ARIH1: variants seen among roughly 807,000 people sequenced by gnomAD.
ARIH1 encodes the protein E3 ubiquitin-protein ligase ARIH1.
ARIH1 carries 8 observed loss-of-function variants against 85.0 expected under a neutral mutation model. That is an observed-to-expected ratio of 0.09 (90% CI 0.06 to 0.17). The LOEUF (loss-of-function observed/expected upper bound fraction) is 0.17, where lower values mean the gene tolerates loss of function less well. Among genes scored for constraint, ARIH1 ranks in the 10% least tolerant of loss-of-function variants. The pLI is 1.00. For missense variants in ARIH1, 311 were observed against 718.1 expected (o/e 0.43, Z 6.48); for synonymous variants, 238 against 253.6 (o/e 0.94, Z 0.59).
At chr15:72,557,326 T>TA (rs1412498634) in intron 5 of ARIH1, among the ~76,000 whole-genome samples, 1 of 152,106 alleles carries the variant, frequency 6.6e-6, no homozygotes, top group African/African-American at 2.4e-5. Flanking sequence ...AAAGCAAGTT[T>TA]ATTAGAGAAG....
chr15:72,475,597 A>T (rs1045441203), intron 1 of ARIH1, among the ~76,000 whole-genome samples: 1 of 152,186 alleles, frequency 6.6e-6, no homozygotes, highest in Non-Finnish European at 1.5e-5. Context: ...TTCTTTTCAG[A>T]TGGTGAGGCT....
In ARIH1 at chr15:72,488,978, C is replaced by G. The variant is rs75456913; in HGVS notation, c.375+13964C>G. 4.9e-3 allele frequency among the ~76,000 whole-genome samples: 744 copies of G among 152,322 alleles called. 9 individuals carry two copies. The highest frequency in any genetic ancestry group is 0.017 in the African/African-American group (712 of 41,564). On this transcript the variant is annotated intron_variant, in intron 1 of 13. Transcript: ENST00000379887. ...GTGGAATCACCCAGGTGCAGTGGCT[C>G]ACGCCTGCAATCCCACAACTTTGGG...
At chr15:72,490,604 C>T (rs540645634) in intron 1 of ARIH1, among the ~76,000 whole-genome samples, 1 of 152,058 alleles carries the variant, frequency 6.6e-6, no homozygotes, top group East Asian at 1.9e-4. Context: ...TCCCTAGTGC[C>T]AAAAAGTTGG....
intron 2 of ARIH1, among the ~76,000 whole-genome samples, chr15:72,520,308 T>C (rs1274938615): frequency 6.6e-6 from 1 of 152,124 alleles, no homozygotes; most frequent in Non-Finnish European, 1.5e-5. Flanking sequence ...TCTCATTTAA[T>C]GATTTTCACA....
intron 1 of ARIH1, among the ~76,000 whole-genome samples, chr15:72,510,165 T>G (rs1481474576): frequency 6.6e-6 from 1 of 152,190 alleles, no homozygotes; most frequent in African/African-American, 2.4e-5. Context: ...TATTTTCTTG[T>G]TAGGTTTTTA....
At chr15:72,530,838 A>G (rs1210346710) in intron 2 of ARIH1, among the ~76,000 whole-genome samples, 1 of 152,372 alleles carries the variant, frequency 6.6e-6, no homozygotes, top group East Asian at 1.9e-4. Context: ...ATCCAGAATT[A>G]AGTATATCCA....
chr15:72,484,603 C>A (rs12908610), intron 1 of ARIH1, among the ~76,000 whole-genome samples: 110,260 of 151,448 alleles, frequency 0.73, 46,329 homozygotes, highest in Non-Finnish European at 0.92. Flanking sequence ...TTAACTCATT[C>A]CCTTTTATGG....
intron 2 of ARIH1, among the ~76,000 whole-genome samples, chr15:72,542,730 A>G (rs946343377): frequency 6.6e-6 from 1 of 152,182 alleles, no homozygotes. Context: ...TACTCATAGA[A>G]TGCTGTCTAG....
chr15:72,477,210 C>G (rs1252457961), intron 1 of ARIH1, among the ~76,000 whole-genome samples: 1 of 152,088 alleles, frequency 6.6e-6, no homozygotes, highest in Non-Finnish European at 1.5e-5. Context: ...CTTGGTATTT[C>G]TTTTTTAAAT....
At chr15:72,526,802 T>C (rs977282040) in intron 2 of ARIH1, among the ~76,000 whole-genome samples, 1 of 151,856 alleles carries the variant, frequency 6.6e-6, no homozygotes. Context: ...GTCTTTTCTT[T>C]TATCCATTAT....
At chr15:72,544,515 A>G (rs1285753205) in intron 2 of ARIH1, among the ~76,000 whole-genome samples, 1 of 151,974 alleles carries the variant, frequency 6.6e-6, no homozygotes, top group Non-Finnish European at 1.5e-5. Context: ...GTTTAGGGGG[A>G]AAAAGGCAGC....
At chr15:72,549,283 C>T (rs1424354051) in intron 3 of ARIH1, among the ~76,000 whole-genome samples, 5 of 151,904 alleles carry the variant, frequency 3.3e-5, no homozygotes, top group Non-Finnish European at 5.9e-5. Flanking sequence ...ACATGGGGTT[C>T]CACCATGTTG....
intron 1 of ARIH1, among the ~76,000 whole-genome samples, chr15:72,488,576 T>A (rs1421108414): frequency 6.6e-6 from 1 of 152,228 alleles, no homozygotes; most frequent in Non-Finnish European, 1.5e-5. Context: ...TCTAGCTATA[T>A]ATGAGGGTTT....
At chr15:72,491,246 C>A (rs2140396480) in intron 1 of ARIH1, among the ~76,000 whole-genome samples, 1 of 152,244 alleles carries the variant, frequency 6.6e-6, no homozygotes, top group East Asian at 1.9e-4. Flanking sequence ...ATCACATTCC[C>A]TGTGGAAATT....
intron 11 of ARIH1, chr15:72,572,447 C>T (rs536425829): frequency 4.7e-5 from 10 of 211,220 alleles, no homozygotes; most frequent in African/African-American, 1.4e-4. Flanking sequence ...AACTCCTGAC[C>T]TCGTGATCCA....
At chr15:72,480,611 C>T (rs2063812671) in intron 1 of ARIH1, among the ~76,000 whole-genome samples, 1 of 152,064 alleles carries the variant, frequency 6.6e-6, no homozygotes. Context: ...GTTGCCCAGG[C>T]TGGAGTGCAA....
chr15:72,519,849 T>A (rs991052461), intron 2 of ARIH1, among the ~76,000 whole-genome samples: 18 of 152,146 alleles, frequency 1.2e-4, no homozygotes, highest in African/African-American at 3.9e-4. Flanking sequence ...CAGGTTTTTT[T>A]ATTTGATGAC....
intron 2 of ARIH1, among the ~76,000 whole-genome samples, chr15:72,540,672 C>T (rs2064103119): frequency 6.6e-6 from 1 of 152,066 alleles, no homozygotes; most frequent in South Asian, 2.1e-4. Context: ...AAGCTATAAA[C>T]TCCAAGCCAC....
Position 72,582,123 on chromosome 15 carries a change from C to T in ARIH1, c.1525C>T (p.Leu509Phe). Residue 509 changes from leucine to phenylalanine, a missense_variant, in exon 13 of 14, where the codon CTT becomes TTT. This residue lies in a region of ARIH1 where 50 missense variants were observed against 311.7 expected (regional missense o/e 0.16). Coordinates refer to ENST00000379887, the MANE Select transcript of ARIH1 (RefSeq NM_005744.5). The surrounding 1 kb of genome is among the most constrained non-coding windows in gnomAD (Gnocchi z 4.6). ...TGCCACAGAGGTGCTCTCGGGCTAC[C>T]TTGAACGAGATATTTCCCAAGATTC... ...ENATEVLSGY[L>F]ERDISQDSLQ... is the part of the protein sequence containing the mutation. The T allele has an allele frequency of 6.2e-7, 1 of 1,613,510 alleles. No homozygotes were observed. The highest frequency in any genetic ancestry group is 8.5e-7 in the Non-Finnish European group (1 of 1,179,612).
Sources: gnomAD v4.1 joint callset for allele counts (sites outside exome capture counted in the v4.1 genomes callset) on GRCh38, gnomAD v4.1.1 for gene constraint, gnomAD v4.1.1 regional missense constraint, Gnocchi (gnomAD v3.1) non-coding constraint, MANE v1.5 for transcripts, NCBI Gene and HGNC (gene_info 2026-07-23, HGNC 2026-07-21) for gene names.